ZNF699: variants seen among roughly 807,000 people sequenced by gnomAD.
The protein encoded by ZNF699 is zinc finger protein 699.
ZNF699 carries 18 observed loss-of-function variants against 22.5 expected under a neutral mutation model. The observed-to-expected ratio is 0.80, with a 90% CI of 0.55 to 1.19. The LOEUF is 1.19. Among genes scored for constraint, ZNF699 ranks in the 50% most tolerant of loss-of-function variants. ZNF699 has a pLI of 0.00. For synonymous variants in ZNF699, 241 were observed against 262.3 expected (o/e 0.92, Z 0.78); for missense variants, 670 against 763.4 (o/e 0.88, Z 1.44).
In ZNF699 at chr19:9,295,661, G is replaced by A. The variant is rs766992840; in HGVS notation, c.1743C>T (p.His581=). 1.9e-6 allele frequency: 3 copies of A among 1,614,016 alleles called. No homozygotes were observed. In the East Asian group the frequency reaches 6.7e-5, roughly 36 times the overall value. Residue 581 remains histidine, a synonymous_variant, in exon 6 of 6, where the codon CAC becomes CAT. Transcript: ENST00000591998. ...SSYLTVHARM[H]TGEKPFECLE... Reference sequence around the variant, plus strand: ...GACATTCAAAGGGTTTCTCTCCAGTGTGCATTCTTGCATGTACAGTAAGGT... The same window carrying A: ...GACATTCAAAGGGTTTCTCTCCAGTATGCATTCTTGCATGTACAGTAAGGT...
chr19:9,298,164 C>T (rs1396067879), intron 3 of ZNF699, among the ~76,000 whole-genome samples, 174 bp from the exon 4 acceptor site: 3 of 151,474 alleles, frequency 2.0e-5, no homozygotes, highest in Non-Finnish European at 4.4e-5. Context: ...GGAGAGGTGG[C>T]AGGTTGGGTG....
chr19:9,301,233 T>C (rs930293984), intron 3 of ZNF699, among the ~76,000 whole-genome samples: 8 of 151,602 alleles, frequency 5.3e-5, no homozygotes, highest in Non-Finnish European at 1.0e-4. Context: ...CAAGACAAGG[T>C]TATACTGGAT....
intron 3 of ZNF699, among the ~76,000 whole-genome samples, chr19:9,299,271 AC>A (rs1240409873): frequency 6.6e-6 from 1 of 152,110 alleles, no homozygotes; most frequent in African/African-American, 2.4e-5. Context: ...AGTAGCTGGG[AC>A]CACAGGTGCC....
chr19:9,301,905 CT>C (rs199823792), intron 3 of ZNF699, among the ~76,000 whole-genome samples: 303 of 142,396 alleles, frequency 2.1e-3, no homozygotes, highest in Admixed American at 2.0e-3. Flanking sequence ...TTTCTTTTTT[CT>C]TTTTTTTTTT....
chr19:9,308,878 T>C (rs1274164735), intron 1 of ZNF699, among the ~76,000 whole-genome samples: 1 of 152,204 alleles, frequency 6.6e-6, no homozygotes, highest in African/African-American at 2.4e-5. Flanking sequence ...CTGTGTGAAA[T>C]TTAACCAATC....
chr19:9,297,185 C>T lies in ZNF699; in HGVS notation c.470+111G>A. ...TAACTCATGAAAATTCTTTCTCAAA[C>T]CACAATCTTTGATCTAGGCTTATTT... On this transcript the variant is annotated intron_variant, in intron 5 of 5. Transcript: ENST00000591998. This position sits in a 1 kb window ranked among gnomAD's most constrained non-coding sequence, Gnocchi z 4.3. The T allele has an allele frequency of 8.4e-7, 1 of 1,192,312 alleles. No homozygotes were observed. Among genetic ancestry groups the T allele is most frequent in the Non-Finnish European group, 1.2e-6 (1 of 866,260 alleles). 73.9% of individuals were successfully genotyped at this position (1,192,312 alleles called of 1,614,324 possible). A position where few individuals can be genotyped will look rare whatever the true frequency, so the allele number is the denominator to read the frequency against.
Position 9,293,144 on chromosome 19 carries a change from G to A in ZNF699, c.*2331C>T, listed in dbSNP as rs371816287. Among the ~76,000 whole-genome samples the A allele has an allele frequency of 5.7e-4, 74 of 129,980 alleles. No homozygotes were observed. The highest frequency in any genetic ancestry group is 4.0e-3 in the Middle Eastern group (1 of 248). 85.3% of individuals were successfully genotyped at this position (129,980 alleles called of 152,430 possible). On this transcript the variant is annotated 3_prime_UTR_variant, in exon 6 of 6. Transcript: ENST00000591998. ...AGTCCGTCTCAAAAAAAAAAAAAAA[G>A]AAAAGAAATCATAAATGGATGAAAT...
intron 3 of ZNF699, among the ~76,000 whole-genome samples, chr19:9,300,894 C>G (rs1157918038): frequency 6.6e-6 from 1 of 152,134 alleles, no homozygotes; most frequent in African/African-American, 2.4e-5. Flanking sequence ...TTCTTCCAAA[C>G]TCATAGAATG....
Position 9,296,277 on chromosome 19 carries a change from G to C in ZNF699, c.1127C>G (p.Ser376Ter), listed in dbSNP as rs745693725. The change falls in exon 6 of 6, where the codon TCA (serine) becomes TGA (stop). Residue 376 changes from serine to a stop codon, truncating the protein, a stop_gained. Coordinates refer to ENST00000591998, the MANE Select transcript of ZNF699 (RefSeq NM_198535.3). LOFTEE classifies it low-confidence loss of function (END_TRUNC). Reference sequence around the variant, plus strand: ...TGTCCTCCCATGTACAGTGAGTTTTGAGGACTCGCTGAAGGCCTTCCCACA... The same window carrying C: ...TGTCCTCCCATGTACAGTGAGTTTTCAGGACTCGCTGAAGGCCTTCCCACA... ...KECGKAFSES[S>*]KLTVHGRTHT... 3.7e-6 allele frequency: 6 copies of C among 1,613,892 alleles called. No homozygotes were observed. The highest frequency in any genetic ancestry group is 5.1e-6 in the Non-Finnish European group (6 of 1,179,982).
At position 9,297,434 on chromosome 19, in the gene ZNF699, T is replaced by C. The variant is rs565826159; in HGVS notation, c.332A>G (p.Asp111Gly). The C allele has an allele frequency of 6.3e-7, 1 of 1,590,830 alleles. No homozygotes were observed. The highest frequency in any genetic ancestry group is 1.2e-5 in the South Asian group (1 of 85,646). Residue 111 changes from aspartate (D) to glycine (G), a missense_variant, in exon 5 of 6, where the codon GAT (aspartate) becomes GGT (glycine). Physicochemically the swap from Asp to Gly is moderately conservative, Grantham distance 94 (BLOSUM62 -1). Coordinates refer to ENST00000591998, the MANE Select transcript of ZNF699 (RefSeq NM_198535.3). The surrounding 1 kb of genome is among the most constrained non-coding windows in gnomAD (Gnocchi z 4.3). ...ATTGGATATTTTTTCTCCACAAATA[T>C]CTTGTGAAGCAACTGATTCATTAGT... ...LKTNESVASQ[D>G]ICGEKISNEQ...
Position 9,297,775 on chromosome 19 carries a change from TCTGTGGAAG to T in ZNF699, c.286+96_286+104del, listed in dbSNP as rs2066292329. 1 of 832,864 alleles carries T rather than the reference TCTGTGGAAG, an allele frequency of 1.2e-6. No individual in the cohort carries two copies. The highest frequency in any genetic ancestry group is 2.1e-5 in the Admixed American group (1 of 46,764). The allele number at this position is 832,864 out of a possible 1,614,324, so 51.6% of individuals were successfully genotyped here. On this transcript the variant is annotated intron_variant, in intron 4 of 5. Transcript: ENST00000591998. The surrounding 1 kb of genome is among the most constrained non-coding windows in gnomAD (Gnocchi z 4.3). ...AAAGTCAAAATAGTCATCTGAGCTA[TCTGTGGAAG>T]ATGAGCTTCCTCATATAAAACAAAG...
At chr19:9,301,226 G>A in intron 3 of ZNF699, among the ~76,000 whole-genome samples, 1 of 151,762 alleles carries the variant, frequency 6.6e-6, no homozygotes, top group East Asian at 1.9e-4. Context: ...ATATAATCAA[G>A]ACAAGGTTAT....
At chr19:9,306,341 G>A (rs189435388) in intron 1 of ZNF699, among the ~76,000 whole-genome samples, 122 of 151,512 alleles carry the variant, frequency 8.1e-4, no homozygotes, top group African/African-American at 2.8e-3. Context: ...GCAGCAAGCC[G>A]AGATTGCGCC....
intron 5 of ZNF699, 34 bp from the exon 6 acceptor site, chr19:9,296,967 A>C: frequency 1.4e-6 from 2 of 1,453,998 alleles, no homozygotes; most frequent in Non-Finnish European, 9.2e-7. Context: ...ATTAGTAATA[A>C]ATTTCTACCA....
At position 9,291,701 on chromosome 19, in the gene ZNF699, A is replaced by G. The variant is rs2066266111; in HGVS notation, c.*3774T>C. 6.7e-6 allele frequency: 1 copy of G among 150,226 alleles called. No individual in the cohort carries two copies. Among genetic ancestry groups the G allele is most frequent in the South Asian group, 2.1e-4 (1 of 4,776 alleles). 9.3% of individuals were successfully genotyped at this position (150,226 alleles called of 1,614,324 possible). On this transcript the variant is annotated 3_prime_UTR_variant, in exon 6 of 6. Transcript: ENST00000591998. ...TCTTTATGCTCATTAAAGATTAAGC[A>G]GCAATCTTTTTTTTTTTTTTTTTTT...
chr19:9,294,941 T>C lies in ZNF699; in HGVS notation c.*534A>G, dbSNP rs2066279044. 6.6e-6 allele frequency: 1 copy of C among 152,390 alleles called. No homozygotes were observed. The highest frequency in any genetic ancestry group is 2.4e-5 in the African/African-American group (1 of 41,462). The allele number at this position is 152,390 out of a possible 1,614,324, so 9.4% of individuals were successfully genotyped here. On this transcript the variant is annotated 3_prime_UTR_variant, in exon 6 of 6. Coordinates refer to ENST00000591998, the MANE Select transcript of ZNF699 (RefSeq NM_198535.3). ...TCAACAAAAATCAATATTTGGTTTT[T>C]GGTTTGTCAATATTATATTGGTTTG...
chr19:9,294,102 A>G lies in ZNF699; in HGVS notation c.*1373T>C, dbSNP rs911934066. Reference sequence around the variant, plus strand: ...CTTGCGAACGTATTTTTCCCCATGAATAGCATGACATGATGCGATTGGACT... The same window carrying G: ...CTTGCGAACGTATTTTTCCCCATGAGTAGCATGACATGATGCGATTGGACT... On this transcript the variant is annotated 3_prime_UTR_variant, in exon 6 of 6. Coordinates refer to ENST00000591998, the MANE Select transcript of ZNF699 (RefSeq NM_198535.3). Among the ~76,000 whole-genome samples, 3 of 152,146 alleles carry G rather than the reference A, an allele frequency of 2.0e-5. No individual in the cohort carries two copies. Among genetic ancestry groups the G allele is most frequent in the Middle Eastern group, 3.2e-3 (1 of 316 alleles).
At chr19:9,303,483 T>C (rs565808210) in intron 2 of ZNF699, among the ~76,000 whole-genome samples, 4 of 152,320 alleles carry the variant, frequency 2.6e-5, no homozygotes, top group East Asian at 3.9e-4. Flanking sequence ...GATGAAGAGA[T>C]GGACAGGCCA....
At chr19:9,305,607 C>T (rs1047243512) in intron 1 of ZNF699, among the ~76,000 whole-genome samples, 1 of 152,176 alleles carries the variant, frequency 6.6e-6, no homozygotes, top group African/African-American at 2.4e-5. Flanking sequence ...ACTTCTGCAC[C>T]CCTTGGCTGG....
Sources: gnomAD v4.1 joint callset for allele counts (sites outside exome capture counted in the v4.1 genomes callset) on GRCh38, gnomAD v4.1.1 for gene constraint, Gnocchi (gnomAD v3.1) non-coding constraint, MANE v1.5 for transcripts, NCBI Gene and HGNC (gene_info 2026-07-23, HGNC 2026-07-21) for gene names.